The following ZC2HC1B variants were observed in gnomAD, a reference collection of about 807,000 sequenced individuals.
ZC2HC1B encodes the protein zinc finger C2HC domain-containing protein 1B.
ZC2HC1B carries 36 observed loss-of-function variants against 31.0 expected under a neutral mutation model. That is an observed-to-expected ratio of 1.16 (90% confidence interval 0.89 to 1.54). The LOEUF (loss-of-function observed/expected upper bound fraction) is 1.54, where lower values mean the gene tolerates loss of function less well. Among genes scored for constraint, ZC2HC1B ranks in the 40% most tolerant of loss-of-function variants. The pLI is 0.00. For synonymous variants in ZC2HC1B, 73 were observed against 88.0 expected (o/e 0.83, Z 0.95); for missense variants, 260 against 268.6 (o/e 0.97, Z 0.22).
At position 143,885,956 on chromosome 6, in the gene ZC2HC1B, G is replaced by A. The variant is rs1329568568; in HGVS notation, c.91-76G>A. ...AGCAAACATAGTCCCTGGAGTGGGG[G>A]CTGTCTAGGTACACCTAGGCATTAA... is the stretch of plus-strand genomic sequence containing the variant. On this transcript the variant is annotated intron_variant, in intron 2 of 7. Coordinates refer to ENST00000237275, the MANE Select transcript of ZC2HC1B (RefSeq NM_001013623.3). This position sits in a 1 kb window ranked among gnomAD's most constrained non-coding sequence, Gnocchi z 4.2. 2 of 1,395,362 alleles carry A rather than the reference G, an allele frequency of 1.4e-6. No individual in the cohort carries two copies. Among genetic ancestry groups the A allele is most frequent in the African/African-American group, 1.5e-5 (1 of 67,842 alleles). The allele number at this position is 1,395,362 out of a possible 1,614,324, so 86.4% of individuals were successfully genotyped here. A position where few individuals can be genotyped will look rare whatever the true frequency, so the allele number is the denominator to read the frequency against.
intron 6 of ZC2HC1B, among the ~76,000 whole-genome samples, chr6:143,927,272 T>C (rs889522146): frequency 6.6e-6 from 1 of 152,096 alleles, no homozygotes; most frequent in East Asian, 1.9e-4. Context: ...ATTGTACCCA[T>C]TAGGTAATTT....
chr6:143,918,751 T>G lies in ZC2HC1B; in HGVS notation c.598+15599T>G, dbSNP rs1777949558. The stretch of plus-strand genomic sequence containing the variant: ...CTGTTCACCTTTCCTTAAGTTTTTC[T>G]CTTTCTGTTCCTCAGACTTGATAAT... On this transcript the variant is annotated intron_variant, in intron 6 of 7. Transcript: ENST00000237275. This position sits in a 1 kb window ranked among gnomAD's most constrained non-coding sequence, Gnocchi z 4.1. 6.6e-6 allele frequency among the ~76,000 whole-genome samples: 1 copy of G among 152,186 alleles called. No homozygotes were observed. The highest frequency in any genetic ancestry group is 1.5e-5 in the Non-Finnish European group (1 of 68,026).
rs137953014 is a variant in ZC2HC1B, at chr6:143,921,871, A to C, written c.599-15778A>C. Among the ~76,000 whole-genome samples, 367 of 152,362 alleles carry C rather than the reference A, an allele frequency of 2.4e-3. No homozygotes were observed. Among genetic ancestry groups the C allele is most frequent in the African/African-American group, 8.5e-3 (353 of 41,590 alleles). ...TGCTTGAGTCCAGTACAAGTGTTCA[A>C]GGCTGCAATGAGCTATGATCGTGCC... On this transcript the variant is annotated intron_variant, in intron 6 of 7. Coordinates refer to ENST00000237275, the MANE Select transcript of ZC2HC1B (RefSeq NM_001013623.3). The surrounding 1 kb of genome is among the most constrained non-coding windows in gnomAD (Gnocchi z 6.1).
At position 143,868,244 on chromosome 6, in the gene ZC2HC1B, A is replaced by C. The variant is rs1015545350; in HGVS notation, c.28+3677A>C. On this transcript the variant is annotated intron_variant, in intron 1 of 7. Coordinates refer to ENST00000237275, the MANE Select transcript of ZC2HC1B (RefSeq NM_001013623.3). The surrounding 1 kb of genome is among the most constrained non-coding windows in gnomAD (Gnocchi z 4.2). ...CAGAAGGTGTATTAGGGTTCTCTAG[A>C]GGGATGGAACTAATAGGCTAGATCT... Among the ~76,000 whole-genome samples, 14 of 152,168 alleles carry C rather than the reference A, an allele frequency of 9.2e-5. No homozygotes were observed. Among genetic ancestry groups the C allele is most frequent in the Non-Finnish European group, 1.5e-4 (10 of 68,022 alleles).
In ZC2HC1B at chr6:143,897,842, C is replaced by G. The variant is rs4140441; in HGVS notation, c.350-710C>G. On this transcript the variant is annotated intron_variant, in intron 4 of 7. Transcript: ENST00000237275. ...AACTCTGTAACTTCTCTAAGACCCA[C>G]CCAGCACTACAACCTATGCTTTTGA... Among the ~76,000 whole-genome samples, 311 of 152,322 alleles carry G rather than the reference C, an allele frequency of 2.0e-3. 7 individuals are homozygous for G. In the East Asian group the frequency reaches 0.039, roughly 19 times the overall value.
At chr6:143,874,657 A>T (rs1219862988) in intron 1 of ZC2HC1B, among the ~76,000 whole-genome samples, 1 of 152,084 alleles carries the variant, frequency 6.6e-6, no homozygotes, top group Non-Finnish European at 1.5e-5. Flanking sequence ...AACCCATCAG[A>T]TCTCATGAGA....
rs1051558939 is a variant in ZC2HC1B at position 143,887,816 on chromosome 6, T to G, written c.349+995T>G. 6.6e-6 allele frequency among the ~76,000 whole-genome samples: 1 copy of G among 152,114 alleles called. No homozygotes were observed. The highest frequency in any genetic ancestry group is 1.5e-5 in the Non-Finnish European group (1 of 67,982). On this transcript the variant is annotated intron_variant, in intron 4 of 7. Coordinates refer to ENST00000237275, the MANE Select transcript of ZC2HC1B (RefSeq NM_001013623.3). The surrounding 1 kb of genome is among the most constrained non-coding windows in gnomAD (Gnocchi z 5.1). ...TATTAATATATCAATATTAATCTTATCAGATACAATACATGATTTGCAAAT... is the reference window on the plus strand; with the variant it reads ...TATTAATATATCAATATTAATCTTAGCAGATACAATACATGATTTGCAAAT...
In ZC2HC1B at chr6:143,915,968, G is replaced by A. The variant is rs981823639; in HGVS notation, c.598+12816G>A. ...AAACTGGCTGCAGAAATTTGTATAGGTAATGAGGAGCTGAATGTTAGTCCC... is the reference window on the plus strand; with the variant it reads ...AAACTGGCTGCAGAAATTTGTATAGATAATGAGGAGCTGAATGTTAGTCCC... On this transcript the variant is annotated intron_variant, in intron 6 of 7. Transcript: ENST00000237275. The surrounding 1 kb of genome is among the most constrained non-coding windows in gnomAD (Gnocchi z 5.2). Among the ~76,000 whole-genome samples, 3 of 152,184 alleles carry A rather than the reference G, an allele frequency of 2.0e-5. No individual in the cohort carries two copies. The highest frequency in any genetic ancestry group is 7.2e-5 in the African/African-American group (3 of 41,444).
chr6:143,881,471 A>G (rs1777466504), intron 1 of ZC2HC1B, among the ~76,000 whole-genome samples: 1 of 142,684 alleles, frequency 7.0e-6, no homozygotes, highest in South Asian at 2.4e-4. Context: ...GGATTGCTTG[A>G]GTCCAGAAAG....
intron 4 of ZC2HC1B, among the ~76,000 whole-genome samples, chr6:143,890,957 G>A (rs1052439764): frequency 2.6e-5 from 4 of 151,396 alleles, no homozygotes; most frequent in South Asian, 4.2e-4. Context: ...GTGAAACCCC[G>A]TCTCTACTAA....
intron 6 of ZC2HC1B, among the ~76,000 whole-genome samples, chr6:143,935,122 C>A (rs78592790): frequency 8.5e-6 from 1 of 117,370 alleles, no homozygotes; most frequent in Non-Finnish European, 1.7e-5. Flanking sequence ...AGTATGTGGA[C>A]GCTGCAGATG....
At chr6:143,866,550 A>G (rs1777265659) in intron 1 of ZC2HC1B, among the ~76,000 whole-genome samples, 1 of 152,162 alleles carries the variant, frequency 6.6e-6, no homozygotes, top group East Asian at 1.9e-4. Context: ...GTTACTTTAC[A>G]AGTCTAAGTG....
Position 143,922,768 on chromosome 6 carries a change from G to C in ZC2HC1B, c.599-14881G>C, listed in dbSNP as rs887883785. ...TCATTCATCCATTAATGAACATTTA[G>C]ATTGATTTCATATGTTGCTATTGTG... On this transcript the variant is annotated intron_variant, in intron 6 of 7. Coordinates refer to ENST00000237275, the MANE Select transcript of ZC2HC1B (RefSeq NM_001013623.3). This position sits in a 1 kb window ranked among gnomAD's most constrained non-coding sequence, Gnocchi z 5.0. 1.3e-5 allele frequency among the ~76,000 whole-genome samples: 2 copies of C among 151,866 alleles called. No individual in the cohort carries two copies. The highest frequency in any genetic ancestry group is 1.5e-5 in the Non-Finnish European group (1 of 67,970).
intron 4 of ZC2HC1B, among the ~76,000 whole-genome samples, chr6:143,894,903 G>T (rs1023730052): frequency 6.6e-6 from 1 of 152,096 alleles, no homozygotes; most frequent in African/African-American, 2.4e-5. Context: ...AAAATGTGGG[G>T]ATTATTGTTT....
rs1326666318 is a variant in ZC2HC1B, at chr6:143,917,269, G to GT, written c.598+14118dup. On this transcript the variant is annotated intron_variant, in intron 6 of 7. Transcript: ENST00000237275. The surrounding 1 kb of genome is among the most constrained non-coding windows in gnomAD (Gnocchi z 4.1). Reference sequence around the variant, plus strand: ...TAGGCCTTCCCAGCCACATGGAACTGTAAGTCCAATAAACCTCTTTCTTTT... The same window carrying GT: ...TAGGCCTTCCCAGCCACATGGAACTGTTAAGTCCAATAAACCTCTTTCTTTT... 1.3e-5 allele frequency among the ~76,000 whole-genome samples: 2 copies of GT among 152,316 alleles called. No individual in the cohort carries two copies. Among genetic ancestry groups the GT allele is most frequent in the East Asian group, 3.9e-4 (2 of 5,190 alleles).
At chr6:143,916,489 C>A (rs1250934329) in intron 6 of ZC2HC1B, among the ~76,000 whole-genome samples, 8 of 152,188 alleles carry the variant, frequency 5.3e-5, no homozygotes, top group Non-Finnish European at 1.0e-4. Flanking sequence ...GTCCTCCAGA[C>A]CCCACAATGG....
Position 143,895,433 on chromosome 6 carries a change from G to A in ZC2HC1B, c.350-3119G>A, listed in dbSNP as rs1277095884. Reference sequence around the variant, plus strand: ...ATGCCTCGGCCTCCCAAAGTGCTGGGATTACAGGCATGAGCCACTGCACCC... The same window carrying A: ...ATGCCTCGGCCTCCCAAAGTGCTGGAATTACAGGCATGAGCCACTGCACCC... On this transcript the variant is annotated intron_variant, in intron 4 of 7. Coordinates refer to ENST00000237275, the MANE Select transcript of ZC2HC1B (RefSeq NM_001013623.3). The surrounding 1 kb of genome is among the most constrained non-coding windows in gnomAD (Gnocchi z 4.8). Among the ~76,000 whole-genome samples the A allele has an allele frequency of 2.0e-5, 3 of 152,294 alleles. No individual in the cohort carries two copies. The South Asian group carries it at 6.2e-4, about 32-fold the overall frequency.
Position 143,886,000 on chromosome 6 carries a change from A to G in ZC2HC1B, c.91-32A>G. Reference sequence around the variant, plus strand: ...GCATTAAAAACTGATTGTGCACTTTAGAAATTCCAATCCCTACTCTTCGTT... The same window carrying G: ...GCATTAAAAACTGATTGTGCACTTTGGAAATTCCAATCCCTACTCTTCGTT... On this transcript the variant is annotated intron_variant, in intron 2 of 7. Coordinates refer to ENST00000237275, the MANE Select transcript of ZC2HC1B (RefSeq NM_001013623.3). The surrounding 1 kb of genome is among the most constrained non-coding windows in gnomAD (Gnocchi z 4.2). The G allele has an allele frequency of 6.7e-7, 1 of 1,493,214 alleles. No homozygotes were observed. Among genetic ancestry groups the G allele is most frequent in the Non-Finnish European group, 8.9e-7 (1 of 1,123,060 alleles). 92.5% of individuals were successfully genotyped at this position (1,493,214 alleles called of 1,614,324 possible). A position where few individuals can be genotyped will look rare whatever the true frequency, so the allele number is the denominator to read the frequency against.
At chr6:143,864,707 AAG>A in intron 1 of ZC2HC1B, 140 bp downstream of exon 1, 1 of 998,936 alleles carries the variant, frequency 1.0e-6, no homozygotes, top group South Asian at 1.7e-5. Flanking sequence ...AGGATTTTTA[AAG>A]AGTTGTCAAA....
Sources: gnomAD v4.1 joint callset for allele counts (sites outside exome capture counted in the v4.1 genomes callset) on GRCh38, gnomAD v4.1.1 for gene constraint, Gnocchi (gnomAD v3.1) non-coding constraint, MANE v1.5 for transcripts, NCBI Gene and HGNC (gene_info 2026-07-23, HGNC 2026-07-21) for gene names.